Variants in MARK4 observed in about 807,000 individuals in gnomAD.
MARK4 encodes the protein microtubule affinity regulating kinase 4, also known as MAP/microtubule affinity-regulating kinase 4.
Under a neutral mutation model 81.5 loss-of-function variants are expected in MARK4, and 19 were observed. The observed-to-expected ratio is 0.23, with a 90% CI of 0.16 to 0.34. The LOEUF is 0.34. MARK4 is among the 10% of genes least tolerant of loss of function. The pLI, the probability that MARK4 is intolerant of heterozygous loss-of-function variation, is 1.00. For missense variants in MARK4, 772 were observed against 1,058.8 expected (o/e 0.73, Z 3.76); for synonymous variants, 436 against 439.0 (o/e 0.99, Z 0.08).
At chr19:45,252,576 C>A (rs950137366) in intron 1 of MARK4, among the ~76,000 whole-genome samples, 1 of 152,036 alleles carries the variant, frequency 6.6e-6, no homozygotes. Context: ...AGGGCCTCCC[C>A]CTTCCTTGCT....
intron 12 of MARK4, among the ~76,000 whole-genome samples, chr19:45,281,805 T>C (rs1487121031): frequency 6.6e-6 from 1 of 152,232 alleles, no homozygotes. Flanking sequence ...GCTGAGAGTC[T>C]GCCCTCTGGC....
At chr19:45,264,791 C>T (rs756082254) in intron 5 of MARK4, 42 bp downstream of exon 5, 5 of 1,613,938 alleles carry the variant, frequency 3.1e-6, no homozygotes, top group South Asian at 2.2e-5. Flanking sequence ...GTGCCACCTC[C>T]CCCTGCCGCT....
chr19:45,286,256 A>G (rs1319141170), intron 12 of MARK4, among the ~76,000 whole-genome samples: 2 of 151,756 alleles, frequency 1.3e-5, no homozygotes, highest in Non-Finnish European at 2.9e-5. Context: ...GGGTTTTGCC[A>G]TGTTAGCCAG....
intron 9 of MARK4, 50 bp downstream of exon 9, chr19:45,278,092 C>T (rs367823622): frequency 6.2e-7 from 1 of 1,603,314 alleles, no homozygotes. Context: ...TCCTGACTCC[C>T]CTAAACTCTG....
At chr19:45,270,787 T>G (rs2123052441) in intron 7 of MARK4, among the ~76,000 whole-genome samples, 1 of 152,226 alleles carries the variant, frequency 6.6e-6, no homozygotes, top group South Asian at 2.1e-4. Context: ...TATGTTTTTT[T>G]GAGACGGAGT....
intron 8 of MARK4, among the ~76,000 whole-genome samples, chr19:45,273,703 G>A (rs1211186392): frequency 6.6e-6 from 1 of 152,178 alleles, no homozygotes; most frequent in Non-Finnish European, 1.5e-5. Context: ...GTTTCCTCTC[G>A]ATTGGAATCG....
chr19:45,287,733 C>T (rs1039477494), intron 13 of MARK4, 69 bp downstream of exon 13: 21 of 1,511,706 alleles, frequency 1.4e-5, no homozygotes, highest in Non-Finnish European at 1.9e-5. Context: ...GCCCTGCCTT[C>T]ATCTCATTCC....
rs780763668 is a variant in MARK4, at chr19:45,280,710, C to T, written c.1252C>T (p.Arg418Cys). Reference protein sequence around the residue: ...GQRSSSSTYHRQRRHSDFCGP... With the variant: ...GQRSSSSTYHCQRRHSDFCGP... ...GCGGAGTTCCTCTTCCACCTACCAC[C>T]GCCAGCGCAGGCATAGCGATTTCTG... The change falls in exon 12 of 17, where the codon CGC becomes TGC. Residue 418 changes from arginine (R) to cysteine (C), a missense_variant. By Grantham distance (180) the Arg-to-Cys change is radical. Coordinates refer to ENST00000262891, the MANE Select transcript of MARK4 (RefSeq NM_001199867.2). 4.3e-6 allele frequency: 7 copies of T among 1,614,136 alleles called. No homozygotes were observed. The highest frequency in any genetic ancestry group is 3.3e-5 in the South Asian group (3 of 91,088).
chr19:45,257,749 G>A (rs973130640), intron 1 of MARK4, among the ~76,000 whole-genome samples: 2 of 150,374 alleles, frequency 1.3e-5, no homozygotes, highest in Non-Finnish European at 2.9e-5. Flanking sequence ...GAGTGCAGCG[G>A]CGCGATCTCG....
At chr19:45,269,521 A>G (rs1267421664) in intron 7 of MARK4, among the ~76,000 whole-genome samples, 2 of 152,096 alleles carry the variant, frequency 1.3e-5, no homozygotes, top group Non-Finnish European at 2.9e-5. Flanking sequence ...CCAGAAATAA[A>G]CCAGGAGACA....
intron 1 of MARK4, among the ~76,000 whole-genome samples, chr19:45,253,199 A>G (rs918895025): frequency 1.2e-4 from 16 of 129,546 alleles, no homozygotes; most frequent in Non-Finnish European, 2.2e-4. Context: ...CCACACACAC[A>G]CACCATCAGA....
intron 8 of MARK4, among the ~76,000 whole-genome samples, chr19:45,277,473 C>G (rs986992543): frequency 1.7e-5 from 2 of 116,536 alleles, no homozygotes; most frequent in African/African-American, 6.9e-5. Context: ...GCTGGTTGTT[C>G]AGGCTGGTCT....
chr19:45,280,018 C>T, intron 10 of MARK4: 1 of 276,330 alleles, frequency 3.6e-6, no homozygotes, highest in African/African-American at 2.2e-5. Context: ...GGGTACTGGA[C>T]AGGTCAAAGA....
intron 1 of MARK4, among the ~76,000 whole-genome samples, chr19:45,254,797 T>A (rs1446694479): frequency 6.6e-6 from 1 of 152,204 alleles, no homozygotes. Context: ...TCTCCAAGGC[T>A]CAGTTTCTCT....
chr19:45,270,959 G>C (rs1311755983), intron 7 of MARK4, among the ~76,000 whole-genome samples: 1 of 152,152 alleles, frequency 6.6e-6, no homozygotes, highest in Non-Finnish European at 1.5e-5. Flanking sequence ...TAGTAGAGAC[G>C]GGGTTTCTCC....
At chr19:45,296,245 AAAC>A (rs772385208) in intron 14 of MARK4, among the ~76,000 whole-genome samples, 5 of 152,234 alleles carry the variant, frequency 3.3e-5, no homozygotes, top group African/African-American at 4.8e-5. Flanking sequence ...AAAAATTTAA[AAAC>A]AACAAAAAAT....
chr19:45,305,080 G>A lies in MARK4; in HGVS notation c.*2370G>A, dbSNP rs1308754265. Reference sequence around the variant, plus strand: ...GTTGACAGGTCAGAAGATCAGGAAAGAGGTCGGGGCTGGACAGATGGGGAG... The same window carrying A: ...GTTGACAGGTCAGAAGATCAGGAAAAAGGTCGGGGCTGGACAGATGGGGAG... On this transcript the variant is annotated 3_prime_UTR_variant, in exon 17 of 17. Coordinates refer to ENST00000262891, the MANE Select transcript of MARK4 (RefSeq NM_001199867.2). The A allele has an allele frequency of 3.3e-5, 5 of 152,524 alleles. No individual in the cohort carries two copies. Among genetic ancestry groups the A allele is most frequent in the Non-Finnish European group, 7.3e-5 (5 of 68,318 alleles). The allele number at this position is 152,524 out of a possible 1,614,324, so 9.4% of individuals were successfully genotyped here.
chr19:45,298,073 C>T (rs1970913947), intron 15 of MARK4, 119 bp downstream of exon 15: 4 of 1,559,624 alleles, frequency 2.6e-6, no homozygotes, highest in East Asian at 2.3e-5. Context: ...TCCTCCTCCT[C>T]CTCGTTTCCT....
At chr19:45,300,344 G>GGAAAAAAAAAAAAA (rs1970951747) in intron 16 of MARK4, among the ~76,000 whole-genome samples, 1 of 32,338 alleles carries the variant, frequency 3.1e-5, no homozygotes, top group Non-Finnish European at 5.7e-5. Flanking sequence ...AACTCCGTCT[G>GGAAAAAAAAAAAAA]AAAAAAAAAA....
Sources: gnomAD v4.1 joint callset for allele counts (sites outside exome capture counted in the v4.1 genomes callset) on GRCh38, gnomAD v4.1.1 for gene constraint, MANE v1.5 for transcripts, NCBI Gene and HGNC (gene_info 2026-07-23, HGNC 2026-07-21) for gene names.